SH3RF3: variants seen among roughly 807,000 people sequenced by gnomAD.
SH3RF3 encodes the protein SH3 domain containing ring finger 3.
SH3RF3 carries 29 observed loss-of-function variants against 66.3 expected under a neutral mutation model. The ratio of observed to expected loss-of-function variants is 0.44; its 90% CI spans 0.33 to 0.60. The LOEUF (loss-of-function observed/expected upper bound fraction) is 0.60, where lower values mean the gene tolerates loss of function less well. SH3RF3 is among the 20% of genes least tolerant of loss of function. SH3RF3 has a pLI of 0.04. For synonymous variants in SH3RF3, 583 were observed against 532.0 expected (o/e 1.10, Z -1.32); for missense variants, 1,194 against 1,190.9 (o/e 1.00, Z -0.04).
chr2:109,349,615 C>T (rs1008123367), intron 2 of SH3RF3, among the ~76,000 whole-genome samples: 3 of 152,186 alleles, frequency 2.0e-5, no homozygotes, highest in Admixed American at 6.5e-5. Flanking sequence ...GGAGACAGAC[C>T]CCATAATGGC....
intron 1 of SH3RF3, among the ~76,000 whole-genome samples, chr2:109,296,411 T>G (rs115426319): frequency 0.011 from 1,745 of 151,796 alleles, 47 homozygotes; most frequent in African/African-American, 0.039. Context: ...GTGTGTGTGT[T>G]TTTTATTGTT....
Position 109,419,587 on chromosome 2 carries a change from G to T in SH3RF3, c.1348G>T (p.Ala450Ser). Residue 450 changes from alanine (A) to serine (S), a missense_variant, in exon 5 of 10, where the codon GCC becomes TCC. Physicochemically the swap from Ala to Ser is moderately conservative, Grantham distance 99. Transcript: ENST00000309415. ...GSTPTAVPRA[A>S]SVSGEQGTPP... ...TACCCCCACGGCTGTCCCACGGGCT[G>T]CCTCGGTGTCTGGAGAGCAGGGCAC... The T allele has an allele frequency of 6.3e-7, 1 of 1,597,710 alleles. No individual in the cohort carries two copies.
chr2:109,333,439 TAGTC>T (rs1402225772), intron 1 of SH3RF3, among the ~76,000 whole-genome samples: 2 of 152,214 alleles, frequency 1.3e-5, no homozygotes, highest in African/African-American at 2.4e-5. Context: ...AGCCTAACCT[TAGTC>T]AGTCATCCTG....
At chr2:109,173,483 G>C (rs1677837741) in intron 1 of SH3RF3, among the ~76,000 whole-genome samples, 1 of 152,210 alleles carries the variant, frequency 6.6e-6, no homozygotes, top group Admixed American at 6.5e-5. Context: ...CCCACAGGCA[G>C]ATTTAAGGCT....
At chr2:109,366,001 T>C (rs1388671690) in intron 2 of SH3RF3, among the ~76,000 whole-genome samples, 1 of 152,252 alleles carries the variant, frequency 6.6e-6, no homozygotes, top group Non-Finnish European at 1.5e-5. Context: ...TGAATTTGTT[T>C]TCTGGCATAT....
intron 1 of SH3RF3, among the ~76,000 whole-genome samples, chr2:109,332,416 C>T (rs993758621): frequency 2.6e-5 from 4 of 152,178 alleles, no homozygotes; most frequent in Non-Finnish European, 4.4e-5. Context: ...CCCAGCACCC[C>T]GAGCAGGGTG....
At position 109,327,274 on chromosome 2, in the gene SH3RF3, G is replaced by T. The variant is rs1046035118; in HGVS notation, c.574-20400G>T. On this transcript the variant is annotated intron_variant, in intron 1 of 9. Coordinates refer to ENST00000309415, the MANE Select transcript of SH3RF3 (RefSeq NM_001099289.3). Reference sequence around the variant, plus strand: ...TTTTTCCATCTAGATAACCTAACTTGCCAACACCATTGATTAAACAGCCCA... The same window carrying T: ...TTTTTCCATCTAGATAACCTAACTTTCCAACACCATTGATTAAACAGCCCA... Among the ~76,000 whole-genome samples the T allele has an allele frequency of 3.9e-5, 6 of 152,100 alleles. No homozygotes were observed. The South Asian group carries it at 1.2e-3, about 32-fold the overall frequency.
chr2:109,370,227 G>GTCTCTGTCTCTC (rs975009950), intron 2 of SH3RF3, among the ~76,000 whole-genome samples: 3 of 96,642 alleles, frequency 3.1e-5, no homozygotes, highest in Non-Finnish European at 6.9e-5. Context: ...CTCTGTCTCT[G>GTCTCTGTCTCTC]TCTCTCTCTC....
intron 1 of SH3RF3, among the ~76,000 whole-genome samples, chr2:109,344,721 CAGG>C (rs1458788928): frequency 4.6e-5 from 7 of 152,152 alleles, no homozygotes; most frequent in Non-Finnish European, 7.4e-5. Flanking sequence ...GTGGAGTTGG[CAGG>C]AGGAGTGCCC....
chr2:109,432,660 A>T lies in SH3RF3; in HGVS notation c.1563A>T (p.Thr521=). The change falls in exon 6 of 10, where the codon ACA becomes ACT. Residue 521 remains threonine, a synonymous_variant. Coordinates refer to ENST00000309415, the MANE Select transcript of SH3RF3 (RefSeq NM_001099289.3). Reference sequence around the variant, plus strand: ...GGGTGTTCCCCGGAAACTACGTGACACCCGTTTCCAGGTGAGGGCATGGTG... The same window carrying T: ...GGGTGTTCCCCGGAAACTACGTGACTCCCGTTTCCAGGTGAGGGCATGGTG... ...VSGVFPGNYV[T]PVSRVPAGGA... is the part of the protein sequence containing the mutation. The T allele has an allele frequency of 6.2e-7, 1 of 1,611,888 alleles. No individual in the cohort carries two copies.
At chr2:109,202,917 G>A (rs1173099611) in intron 1 of SH3RF3, among the ~76,000 whole-genome samples, 1 of 152,264 alleles carries the variant, frequency 6.6e-6, no homozygotes, top group African/African-American at 2.4e-5. Context: ...ATGTTTTAGA[G>A]TGTAGGTGTC....
intron 2 of SH3RF3, among the ~76,000 whole-genome samples, chr2:109,368,382 GT>G (rs1388537951): frequency 1.3e-5 from 2 of 152,018 alleles, no homozygotes; most frequent in East Asian, 3.9e-4. Flanking sequence ...GGACATTCAA[GT>G]TTAATCCTTA....
At chr2:109,362,629 T>G (rs2105635530) in intron 2 of SH3RF3, among the ~76,000 whole-genome samples, 1 of 152,296 alleles carries the variant, frequency 6.6e-6, no homozygotes, top group Non-Finnish European at 1.5e-5. Context: ...ATATCCTTAC[T>G]GATTTTCTGC....
intron 9 of SH3RF3, among the ~76,000 whole-genome samples, chr2:109,495,632 C>T (rs1679241082): frequency 6.6e-6 from 1 of 151,832 alleles, no homozygotes; most frequent in African/African-American, 2.4e-5. Context: ...GGATTGATTA[C>T]AGGCGTCCAC....
rs1214727427 is a variant in SH3RF3, at chr2:109,249,493, CTTTCTTTCTTTCTTTCATTCTTTCTT to C, written c.574-98164_574-98139del. Among the ~76,000 whole-genome samples the C allele has an allele frequency of 8.3e-4, 20 of 24,096 alleles. No homozygotes were observed. In the East Asian group the frequency reaches 8.9e-3, roughly 11 times the overall value. 15.8% of individuals were successfully genotyped at this position (24,096 alleles called of 152,430 possible). The stretch of plus-strand genomic sequence containing the variant: ...TCTTTCTTTCTTTCTTTCTTTCTTT[CTTTCTTTCTTTCTTTCATTCTTTCTT>C]TTTCTTTCTTTCTTTCCTTCCTTCC... On this transcript the variant is annotated intron_variant, in intron 1 of 9. Transcript: ENST00000309415.
intron 9 of SH3RF3, among the ~76,000 whole-genome samples, chr2:109,493,581 C>T (rs1288754947): frequency 6.7e-6 from 1 of 149,208 alleles, no homozygotes; most frequent in South Asian, 2.2e-4. Flanking sequence ...TGCACACACC[C>T]CACACACAAT....
chr2:109,468,650 T>C (rs1455886964), intron 8 of SH3RF3, among the ~76,000 whole-genome samples: 2 of 151,782 alleles, frequency 1.3e-5, no homozygotes, highest in African/African-American at 2.4e-5. Flanking sequence ...GGTCAGGAGT[T>C]TGAGACCAGC....
At chr2:109,221,318 C>CA (rs750750501) in intron 1 of SH3RF3, among the ~76,000 whole-genome samples, 1 of 151,128 alleles carries the variant, frequency 6.6e-6, no homozygotes, top group Non-Finnish European at 1.5e-5. Flanking sequence ...CCAGGTGACT[C>CA]ACGGCTGTAA....
chr2:109,139,707 A>G (rs540647986), intron 1 of SH3RF3, among the ~76,000 whole-genome samples: 2 of 152,358 alleles, frequency 1.3e-5, no homozygotes, highest in Admixed American at 1.3e-4. Flanking sequence ...GGTGACGTAT[A>G]TCAGATCCTG....
Sources: allele counts gnomAD v4.1 joint callset (sites outside exome capture counted in the v4.1 genomes callset), GRCh38; gene constraint gnomAD v4.1.1; transcripts MANE v1.5; gene names NCBI Gene and HGNC (gene_info 2026-07-23, HGNC 2026-07-21).